DEPDC1B: variants seen among roughly 807,000 people sequenced by gnomAD.
DEPDC1B encodes DEP domain containing 1B.
In DEPDC1B, 51 loss-of-function variants were observed where a neutral mutation model predicts 66.5. The ratio of observed to expected loss-of-function variants is 0.77; its 90% CI spans 0.61 to 0.97. The LOEUF (loss-of-function observed/expected upper bound fraction) is 0.97, where lower values mean the gene tolerates loss of function less well. DEPDC1B is among the 50% of genes least tolerant of loss of function. The pLI, the probability that DEPDC1B is intolerant of heterozygous loss-of-function variation, is 0.00. For synonymous variants in DEPDC1B, 226 were observed against 223.6 expected (o/e 1.01, Z -0.10); for missense variants, 552 against 637.1 (o/e 0.87, Z 1.44).
At chr5:60,609,248 C>T (rs1213954849) in intron 7 of DEPDC1B, among the ~76,000 whole-genome samples, 1 of 152,126 alleles carries the variant, frequency 6.6e-6, no homozygotes, top group Non-Finnish European at 1.5e-5. Context: ...GACTCATAAA[C>T]ATCCCAATAA....
chr5:60,605,156 TACA>T (rs1197559340), intron 8 of DEPDC1B, among the ~76,000 whole-genome samples: 1 of 152,182 alleles, frequency 6.6e-6, no homozygotes, highest in Non-Finnish European at 1.5e-5. Flanking sequence ...GGCTGGGGGA[TACA>T]GGGACATGGA....
At chr5:60,609,540 A>C (rs565281309) in intron 7 of DEPDC1B, among the ~76,000 whole-genome samples, 1 of 152,330 alleles carries the variant, frequency 6.6e-6, no homozygotes, top group Non-Finnish European at 1.5e-5. Flanking sequence ...TTACTCCCAA[A>C]GCTAAAAGAG....
chr5:60,616,940 C>T (rs775399910), intron 7 of DEPDC1B, among the ~76,000 whole-genome samples: 7 of 152,120 alleles, frequency 4.6e-5, no homozygotes, highest in Non-Finnish European at 7.3e-5. Flanking sequence ...GCTGATCTCT[C>T]GGCAGAAACC....
intron 2 of DEPDC1B, among the ~76,000 whole-genome samples, chr5:60,674,795 A>C (rs1367888855): frequency 2.0e-5 from 3 of 152,194 alleles, no homozygotes; most frequent in Non-Finnish European, 4.4e-5. Flanking sequence ...TTAACCATAA[A>C]GGAATTTGGA....
chr5:60,636,521 C>T (rs549300307), intron 7 of DEPDC1B, among the ~76,000 whole-genome samples: 1 of 152,298 alleles, frequency 6.6e-6, no homozygotes, highest in East Asian at 1.9e-4. Context: ...ATATCCTATT[C>T]CAATCAAAGT....
chr5:60,670,888 G>C (rs946526006), intron 2 of DEPDC1B, among the ~76,000 whole-genome samples: 1 of 152,164 alleles, frequency 6.6e-6, no homozygotes, highest in African/African-American at 2.4e-5. Context: ...GAAGAGAAAA[G>C]GAATCACTAT....
At chr5:60,686,314 C>G (rs1194084011) in intron 2 of DEPDC1B, among the ~76,000 whole-genome samples, 1 of 152,186 alleles carries the variant, frequency 6.6e-6, no homozygotes, top group African/African-American at 2.4e-5. Flanking sequence ...TTAGTCTTCT[C>G]CCACACCTGA....
At chr5:60,677,801 A>G (rs1754204872) in intron 2 of DEPDC1B, among the ~76,000 whole-genome samples, 1 of 152,250 alleles carries the variant, frequency 6.6e-6, no homozygotes, top group Non-Finnish European at 1.5e-5. Context: ...AACTTATCCA[A>G]CTAATCACAG....
chr5:60,638,709 T>C, intron 7 of DEPDC1B, 41 bp downstream of exon 7: 3 of 1,537,724 alleles, frequency 2.0e-6, no homozygotes, highest in Non-Finnish European at 2.6e-6. Context: ...AACGATTCAA[T>C]ATCAGTGATG....
intron 2 of DEPDC1B, among the ~76,000 whole-genome samples, chr5:60,660,598 T>C (rs1753691461): frequency 6.6e-6 from 1 of 152,180 alleles, no homozygotes; most frequent in Non-Finnish European, 1.5e-5. Context: ...ACTGCTTTGC[T>C]AGCAGAAGAA....
intron 2 of DEPDC1B, among the ~76,000 whole-genome samples, chr5:60,677,542 T>G (rs1561389251): frequency 6.6e-6 from 1 of 152,076 alleles, no homozygotes; most frequent in Non-Finnish European, 1.5e-5. Flanking sequence ...TTTTTATTTT[T>G]TCTTTTTTTT....
intron 7 of DEPDC1B, among the ~76,000 whole-genome samples, chr5:60,618,287 C>G (rs1448729437): frequency 6.6e-6 from 1 of 152,068 alleles, no homozygotes; most frequent in East Asian, 1.9e-4. Context: ...TAACTAAGAT[C>G]AGAGCAGAAC....
chr5:60,688,249 C>T (rs1001060931), intron 1 of DEPDC1B, among the ~76,000 whole-genome samples: 14 of 151,986 alleles, frequency 9.2e-5, no homozygotes, highest in African/African-American at 3.4e-4. Flanking sequence ...CTACTAGATA[C>T]CTCAAATAAT....
intron 7 of DEPDC1B, among the ~76,000 whole-genome samples, chr5:60,618,442 A>G (rs1752618218): frequency 6.6e-6 from 1 of 152,244 alleles, no homozygotes; most frequent in African/African-American, 2.4e-5. Context: ...GCAATAAAAA[A>G]TGATAAAGGG....
At chr5:60,646,689 A>G (rs1222313239) in intron 3 of DEPDC1B, among the ~76,000 whole-genome samples, 3 of 152,226 alleles carry the variant, frequency 2.0e-5, no homozygotes, top group Non-Finnish European at 4.4e-5. Flanking sequence ...TCCATAGCCT[A>G]TAAGGAACCA....
Position 60,699,991 on chromosome 5 carries a change from G to A in DEPDC1B, c.48+55C>T, listed in dbSNP as rs1403240268. ...CTGACAAGCACTCTGTCCGCGCGCTGAGTGGGGGCTCGCGGCACCGGGTGC... is the reference window on the plus strand; with the variant it reads ...CTGACAAGCACTCTGTCCGCGCGCTAAGTGGGGGCTCGCGGCACCGGGTGC... On this transcript the variant is annotated intron_variant, in intron 1 of 10. Transcript: ENST00000265036. The A allele has an allele frequency of 1.9e-6, 3 of 1,540,938 alleles. No homozygotes were observed. In the African/African-American group the frequency reaches 4.1e-5, roughly 21 times the overall value.
At chr5:60,647,641 C>T (rs1159407898) in intron 2 of DEPDC1B, 108 bp from the exon 3 acceptor site, 2 of 1,223,938 alleles carry the variant, frequency 1.6e-6, no homozygotes, top group African/African-American at 1.6e-5. Flanking sequence ...ATAATTTGTA[C>T]AATATTTATA....
chr5:60,605,328 A>AT (rs1752286693), intron 8 of DEPDC1B, among the ~76,000 whole-genome samples: 1 of 152,228 alleles, frequency 6.6e-6, no homozygotes, highest in Non-Finnish European at 1.5e-5. Flanking sequence ...CAAAAAAATG[A>AT]TAAGTTGGTA....
intron 8 of DEPDC1B, among the ~76,000 whole-genome samples, chr5:60,604,104 A>G (rs1401188577): frequency 1.3e-5 from 2 of 151,344 alleles, no homozygotes; most frequent in Non-Finnish European, 2.9e-5. Context: ...GAACAAAGCC[A>G]TGGGACTTTT....
Sources: allele counts gnomAD v4.1 joint callset (sites outside exome capture counted in the v4.1 genomes callset), GRCh38; gene constraint gnomAD v4.1.1; transcripts MANE v1.5; gene names NCBI Gene and HGNC (gene_info 2026-07-23, HGNC 2026-07-21).